KIF6: variants seen among roughly 807,000 people sequenced by gnomAD.
KIF6 encodes the protein kinesin family member 6.
Under a neutral mutation model 112.7 loss-of-function variants are expected in KIF6, and 106 were observed. The ratio of observed to expected loss-of-function variants is 0.94; its 90% CI spans 0.80 to 1.11. The LOEUF (loss-of-function observed/expected upper bound fraction) is 1.11. Among genes scored for constraint, KIF6 ranks in the 50% least tolerant of loss-of-function variants. The pLI is 0.00. For missense variants in KIF6, 929 were observed against 964.0 expected (o/e 0.96, Z 0.48); for synonymous variants, 339 against 339.9 (o/e 1.00, Z 0.03).
At chr6:39,535,129 A>G (rs1202532902) in intron 13 of KIF6, among the ~76,000 whole-genome samples, 1 of 152,194 alleles carries the variant, frequency 6.6e-6, no homozygotes, top group African/African-American at 2.4e-5. Context: ...TAAAGACCAT[A>G]GAGACTAGGA....
At chr6:39,444,438 TTTTG>T (rs1335116817) in intron 13 of KIF6, among the ~76,000 whole-genome samples, 2 of 152,162 alleles carry the variant, frequency 1.3e-5, no homozygotes, top group African/African-American at 2.4e-5. Context: ...TTACCTGTTT[TTTTG>T]TTTGTTTGTT....
At chr6:39,382,388 T>C (rs1026888820) in intron 16 of KIF6, among the ~76,000 whole-genome samples, 3 of 152,206 alleles carry the variant, frequency 2.0e-5, no homozygotes, top group Non-Finnish European at 2.9e-5. Flanking sequence ...ACTCAAGATT[T>C]AGCTCCCACT....
chr6:39,642,155 A>C (rs945832367), intron 3 of KIF6, among the ~76,000 whole-genome samples: 3 of 152,188 alleles, frequency 2.0e-5, no homozygotes, highest in African/African-American at 7.2e-5. Context: ...AAAATAAAGA[A>C]AGAGAAATAG....
intron 13 of KIF6, among the ~76,000 whole-genome samples, chr6:39,452,491 A>T (rs1371530550): frequency 6.6e-6 from 1 of 152,202 alleles, no homozygotes; most frequent in Non-Finnish European, 1.5e-5. Flanking sequence ...TAAAGAATGC[A>T]AGAGTGGGTA....
intron 9 of KIF6, among the ~76,000 whole-genome samples, chr6:39,578,806 G>C (rs1781128639): frequency 6.6e-6 from 1 of 152,082 alleles, no homozygotes; most frequent in Non-Finnish European, 1.5e-5. Context: ...ATAATGTAGT[G>C]TATCATTTTG....
chr6:39,343,670 C>T lies in KIF6; in HGVS notation c.2428+39G>A. Reference sequence around the variant, plus strand: ...TGTGCTCCCCACAAGTGTTGGTGACCTGCTGCCCAGGAGGAGCCACCGAGG... The same window carrying T: ...TGTGCTCCCCACAAGTGTTGGTGACTTGCTGCCCAGGAGGAGCCACCGAGG... On this transcript the variant is annotated intron_variant, in intron 22 of 22. Transcript: ENST00000287152. The surrounding 1 kb of genome is among the most constrained non-coding windows in gnomAD (Gnocchi z 4.1). The T allele has an allele frequency of 1.3e-6, 2 of 1,485,652 alleles. No individual in the cohort carries two copies. The highest frequency in any genetic ancestry group is 1.8e-6 in the Non-Finnish European group (2 of 1,081,794). The allele number at this position is 1,485,652 out of a possible 1,614,324, so 92.0% of individuals were successfully genotyped here.
chr6:39,442,718 A>G (rs1771994060), intron 13 of KIF6, among the ~76,000 whole-genome samples: 1 of 152,186 alleles, frequency 6.6e-6, no homozygotes, highest in Non-Finnish European at 1.5e-5. Flanking sequence ...ATTTGGACCA[A>G]TCCTGGGAAT....
chr6:39,652,210 A>G (rs1436559621), intron 3 of KIF6, among the ~76,000 whole-genome samples: 1 of 152,158 alleles, frequency 6.6e-6, no homozygotes, highest in Non-Finnish European at 1.5e-5. Flanking sequence ...AACTGCAATG[A>G]ACAATACAGT....
At chr6:39,341,909 A>G (rs1177973972) in intron 22 of KIF6, among the ~76,000 whole-genome samples, 1 of 125,076 alleles carries the variant, frequency 8.0e-6, no homozygotes, top group Non-Finnish European at 1.8e-5. Context: ...TGGCCCCTAC[A>G]ATCTACACTA....
At chr6:39,369,085 A>AAAG (rs1664698450) in intron 16 of KIF6, among the ~76,000 whole-genome samples, 1 of 152,204 alleles carries the variant, frequency 6.6e-6, no homozygotes, top group African/African-American at 2.4e-5. Context: ...TTGAGAAGAC[A>AAAG]AAGTGTCTAT....
At chr6:39,598,050 G>T (rs1467851107) in intron 6 of KIF6, among the ~76,000 whole-genome samples, 1 of 152,032 alleles carries the variant, frequency 6.6e-6, no homozygotes, top group Non-Finnish European at 1.5e-5. Context: ...AACCAGGATT[G>T]GTGGGGCATG....
intron 13 of KIF6, among the ~76,000 whole-genome samples, chr6:39,489,501 G>T (rs1775333744): frequency 6.6e-6 from 1 of 152,060 alleles, no homozygotes; most frequent in Admixed American, 6.6e-5. Context: ...TTCCAACCAG[G>T]ATAGAAAATG....
chr6:39,724,399 G>A (rs144854547), intron 1 of KIF6, among the ~76,000 whole-genome samples: 1,933 of 148,306 alleles, frequency 0.013, 23 homozygotes, highest in East Asian at 0.045. Flanking sequence ...CTTGCAGTGA[G>A]CCGAGATCGC....
At position 39,487,974 on chromosome 6, in the gene KIF6, T is replaced by C. The variant is rs375497891; in HGVS notation, c.1645+52029A>G. ...TATAGTCAGGGCACCTCAAACTATA[T>C]ACTTGCATTTATAGGCATCTATCTA... On this transcript the variant is annotated intron_variant, in intron 13 of 22. Coordinates refer to ENST00000287152, the MANE Select transcript of KIF6 (RefSeq NM_145027.6). Among the ~76,000 whole-genome samples, 5 of 137,690 alleles carry C rather than the reference T, an allele frequency of 3.6e-5. No homozygotes were observed. In the East Asian group the frequency reaches 1.0e-3, roughly 28 times the overall value. 90.3% of individuals were successfully genotyped at this position (137,690 alleles called of 152,430 possible). A position where few individuals can be genotyped will look rare whatever the true frequency, so the allele number is the denominator to read the frequency against.
chr6:39,428,401 T>C (rs1214489112), intron 14 of KIF6, among the ~76,000 whole-genome samples: 3 of 152,222 alleles, frequency 2.0e-5, no homozygotes, highest in Admixed American at 1.3e-4. Flanking sequence ...ACTAGCCATA[T>C]TAAAAATTCA....
At chr6:39,508,386 G>A (rs1171535716) in intron 13 of KIF6, among the ~76,000 whole-genome samples, 4 of 152,146 alleles carry the variant, frequency 2.6e-5, no homozygotes, top group Non-Finnish European at 5.9e-5. Context: ...CCCATGGAGG[G>A]TGAGCCGAAG....
chr6:39,398,730 A>G (rs1339107801), intron 15 of KIF6, among the ~76,000 whole-genome samples: 1 of 152,230 alleles, frequency 6.6e-6, no homozygotes, highest in African/African-American at 2.4e-5. Flanking sequence ...TAGCAGAACT[A>G]TAGGTTTGCA....
At position 39,334,754 on chromosome 6, in the gene KIF6, T is replaced by A. The variant is rs1235706914; in HGVS notation, c.*1778A>T. The A allele has an allele frequency of 1.3e-5, 2 of 152,440 alleles. No individual in the cohort carries two copies. The highest frequency in any genetic ancestry group is 2.9e-5 in the Non-Finnish European group (2 of 68,242). The allele number at this position is 152,440 out of a possible 1,614,324, so 9.4% of individuals were successfully genotyped here. Reference sequence around the variant, plus strand: ...GGACTGGGGCAAATGCCATGCCATCTTCAGGGCTCTTGAGAGTGTGTGTGT... The same window carrying A: ...GGACTGGGGCAAATGCCATGCCATCATCAGGGCTCTTGAGAGTGTGTGTGT... On this transcript the variant is annotated 3_prime_UTR_variant, in exon 23 of 23. Transcript: ENST00000287152.
chr6:39,716,530 C>T (rs1789863922), intron 2 of KIF6, among the ~76,000 whole-genome samples: 1 of 152,100 alleles, frequency 6.6e-6, no homozygotes, highest in Non-Finnish European at 1.5e-5. Context: ...TCTGAAAAGG[C>T]ATTTTGATCA....
Sources: gnomAD v4.1 joint callset for allele counts (sites outside exome capture counted in the v4.1 genomes callset) on GRCh38, gnomAD v4.1.1 for gene constraint, Gnocchi (gnomAD v3.1) non-coding constraint, MANE v1.5 for transcripts, NCBI Gene and HGNC (gene_info 2026-07-23, HGNC 2026-07-21) for gene names.